The following SIRT4 variants were observed in gnomAD, a reference collection of about 807,000 sequenced individuals.
The protein encoded by SIRT4 is NAD-dependent protein lipoamidase sirtuin-4, mitochondrial.
Under a neutral mutation model 26.1 loss-of-function variants are expected in SIRT4, and 23 were observed. The ratio of observed to expected loss-of-function variants is 0.88; its 90% CI spans 0.63 to 1.25. SIRT4 has a LOEUF of 1.25. Among genes scored for constraint, SIRT4 ranks in the 50% most tolerant of loss-of-function variants. The pLI is 0.00. For missense variants in SIRT4, 361 were observed against 405.4 expected (o/e 0.89, Z 0.94); for synonymous variants, 155 against 158.4 (o/e 0.98, Z 0.16).
At chr12:120,308,246 T>G (rs1202877154) in intron 2 of SIRT4, among the ~76,000 whole-genome samples, 1 of 146,516 alleles carries the variant, frequency 6.8e-6, no homozygotes, top group Non-Finnish European at 1.5e-5. Context: ...CTCGGCTCAC[T>G]GCAACCTCCG....
the SIRT4 span, among the ~76,000 whole-genome samples, chr12:120,292,435 T>C: frequency 6.6e-6 from 1 of 151,818 alleles, no homozygotes; most frequent in African/African-American, 2.4e-5. Context: ...ACGGGGTCGC[T>C]ACTAAAAATA....
chr12:120,299,388 C>T (rs1199550284), upstream of SIRT4, among the ~76,000 whole-genome samples: 3 of 144,972 alleles, frequency 2.1e-5, no homozygotes, highest in Non-Finnish European at 4.6e-5. Flanking sequence ...CCCATCTCTA[C>T]TAAAAATACA....
chr12:120,308,337 T>C (rs1230131303), intron 2 of SIRT4, among the ~76,000 whole-genome samples: 1 of 151,808 alleles, frequency 6.6e-6, no homozygotes, highest in Non-Finnish European at 1.5e-5. Flanking sequence ...CCCCAGCTAA[T>C]TTTTTGTATT....
chr12:120,297,535 AAAAGAAAG>A (rs143033841), upstream of SIRT4, among the ~76,000 whole-genome samples: 15 of 151,758 alleles, frequency 9.9e-5, 1 homozygote, highest in South Asian at 4.1e-4. Context: ...CAAAAATTAA[AAAAGAAAG>A]AAAGAAAGAA....
At chr12:120,298,212 A>AG, upstream of SIRT4, among the ~76,000 whole-genome samples, 1 of 151,340 alleles carries the variant, frequency 6.6e-6, no homozygotes, top group Non-Finnish European at 1.5e-5. Context: ...AAAAAAAAAA[A>AG]AAAAAAAAAA....
At position 120,302,739 on chromosome 12, in the gene SIRT4, A is replaced by G. The variant is rs1357982420; in HGVS notation, c.-2+361A>G. The stretch of plus-strand genomic sequence containing the variant: ...CTTTTTCTTTTTTTTTTTTTTTTTG[A>G]TACGGAGTCTTGCTTCTTCGCCCAG... On this transcript the variant is annotated intron_variant, in intron 1 of 3. Coordinates refer to ENST00000202967, the MANE Select transcript of SIRT4 (RefSeq NM_012240.3). Among the ~76,000 whole-genome samples the G allele has an allele frequency of 2.3e-5, 3 of 131,382 alleles. No homozygotes were observed. The Admixed American group carries it at 2.4e-4, about 10-fold the overall frequency. 86.2% of individuals were successfully genotyped at this position (131,382 alleles called of 152,430 possible).
At chr12:120,310,909 G>C (rs1465614261) in intron 2 of SIRT4, among the ~76,000 whole-genome samples, 3 of 150,440 alleles carry the variant, frequency 2.0e-5, no homozygotes, top group Non-Finnish European at 3.0e-5. Flanking sequence ...CTAATTTTTT[G>C]TATTTTTAGT....
At chr12:120,292,969 C>G in the SIRT4 span, 14 of 152,052 alleles carry the variant, frequency 9.2e-5, no homozygotes, top group African/African-American at 1.7e-4. Flanking sequence ...TCTCGCGAAT[C>G]AGCTGGTAAG....
At chr12:120,303,440 A>T in intron 1 of SIRT4, 121 bp from the exon 2 acceptor site, 2 of 1,155,146 alleles carry the variant, frequency 1.7e-6, no homozygotes, top group Non-Finnish European at 2.4e-6. Context: ...ATGCCACTGT[A>T]CTCTAGCCTG....
chr12:120,308,390 C>T (rs867903106), intron 2 of SIRT4, among the ~76,000 whole-genome samples: 5 of 151,886 alleles, frequency 3.3e-5, no homozygotes, highest in African/African-American at 7.3e-5. Context: ...AGGCTGGTCT[C>T]GAACTCACTC....
At chr12:120,310,404 G>A (rs1244073824) in intron 2 of SIRT4, among the ~76,000 whole-genome samples, 1 of 152,022 alleles carries the variant, frequency 6.6e-6, no homozygotes, top group Non-Finnish European at 1.5e-5. Context: ...TTTTTGTAGA[G>A]AGAGCGTCTT....
At chr12:120,294,162 CTT>C in the SIRT4 span, among the ~76,000 whole-genome samples, 50 of 151,472 alleles carry the variant, frequency 3.3e-4, 1 homozygote, top group African/African-American at 1.1e-3. Flanking sequence ...TGCCACCACT[CTT>C]TGTATTTTTA....
upstream of SIRT4, among the ~76,000 whole-genome samples, chr12:120,297,694 A>T (rs1442753244): frequency 6.6e-6 from 1 of 152,136 alleles, no homozygotes; most frequent in Admixed American, 6.6e-5. Flanking sequence ...GCACAATAGA[A>T]TTCCCAACCA....
chr12:120,299,243 A>AC (rs771234166), upstream of SIRT4, among the ~76,000 whole-genome samples: 307 of 149,146 alleles, frequency 2.1e-3, 2 homozygotes, highest in Non-Finnish European at 3.4e-3. Context: ...ATAAATAAAT[A>AC]AATACAATAA....
At chr12:120,312,368 G>C (rs1488694224) in intron 2 of SIRT4, 88 bp from the exon 3 acceptor site, 12 of 1,234,760 alleles carry the variant, frequency 9.7e-6, no homozygotes. Flanking sequence ...GCGATGGAAG[G>C]GCTGAAAATG....
chr12:120,307,015 G>T (rs1872767839), intron 2 of SIRT4, among the ~76,000 whole-genome samples: 2 of 152,122 alleles, frequency 1.3e-5, no homozygotes, highest in Admixed American at 1.3e-4. Flanking sequence ...CATGCTTATG[G>T]GTCTGGCAAT....
chr12:120,309,714 C>CTTTTTT (rs564627080), intron 2 of SIRT4, among the ~76,000 whole-genome samples: 3 of 111,120 alleles, frequency 2.7e-5, no homozygotes, highest in East Asian at 2.6e-4. Context: ...TGCCCGCTTT[C>CTTTTTT]TTTTTTTTTT....
At chr12:120,310,025 T>G (rs1255071615) in intron 2 of SIRT4, among the ~76,000 whole-genome samples, 1 of 152,050 alleles carries the variant, frequency 6.6e-6, no homozygotes, top group East Asian at 1.9e-4. Flanking sequence ...CCTGGCCTTT[T>G]TTTCTTTTTT....
chr12:120,311,436 G>A (rs1212064125), intron 2 of SIRT4, among the ~76,000 whole-genome samples: 1 of 151,076 alleles, frequency 6.6e-6, no homozygotes, highest in Non-Finnish European at 1.5e-5. Flanking sequence ...GGTGATTGGA[G>A]AGGTGAGAAG....
Sources: allele counts gnomAD v4.1 joint callset (sites outside exome capture counted in the v4.1 genomes callset), GRCh38; gene constraint gnomAD v4.1.1; transcripts MANE v1.5; gene names NCBI Gene and HGNC (gene_info 2026-07-23, HGNC 2026-07-21).